The following MUSK variants were observed in gnomAD, a reference collection of about 807,000 sequenced individuals.
The protein encoded by MUSK is muscle, skeletal receptor tyrosine-protein kinase.
MUSK carries 55 observed loss-of-function variants against 88.7 expected under a neutral mutation model. The observed-to-expected ratio is 0.62, with a 90% confidence interval of 0.50 to 0.78. The LOEUF (loss-of-function observed/expected upper bound fraction) is 0.78. Among genes scored for constraint, MUSK ranks in the 30% least tolerant of loss-of-function variants. The pLI, the probability that MUSK is intolerant of heterozygous loss-of-function variation, is 0.00. For synonymous variants in MUSK, 387 were observed against 391.9 expected (o/e 0.99, Z 0.15); for missense variants, 1,015 against 1,074.3 (o/e 0.94, Z 0.77).
At chr9:110,685,592 A>C (rs1251901148) in intron 2 of MUSK, among the ~76,000 whole-genome samples, 1 of 152,160 alleles carries the variant, frequency 6.6e-6, no homozygotes, top group Non-Finnish European at 1.5e-5. Flanking sequence ...CCATTCAGCT[A>C]AGTTCTCTGT....
chr9:110,695,567 G>A (rs1434948013), intron 4 of MUSK, 37 bp downstream of exon 4: 8 of 1,471,570 alleles, frequency 5.4e-6, no homozygotes, highest in Non-Finnish European at 7.3e-6. Flanking sequence ...TATATAAAAT[G>A]TATTTTAAAA....
chr9:110,669,019 T>C, intron 1 of MUSK, 36 bp downstream of exon 1: 2 of 1,558,210 alleles, frequency 1.3e-6, no homozygotes, highest in South Asian at 1.1e-5. Context: ...TGTTGTCTTG[T>C]CATGGTTGTA....
rs181269350 is a variant in MUSK at position 110,798,045 on chromosome 9, G to C, written c.1928-2261G>C. Among the ~76,000 whole-genome samples the C allele has an allele frequency of 3.4e-3, 517 of 152,212 alleles. 4 individuals are homozygous for C. Among genetic ancestry groups the C allele is most frequent in the African/African-American group, 0.011 (469 of 41,550 alleles). The stretch of plus-strand genomic sequence containing the variant: ...AAACTTATGTTGCCGTTTGTTAAAT[G>C]CTATATCTAAATTCCATTTGGATAT... On this transcript the variant is annotated intron_variant, in intron 14 of 14. Coordinates refer to ENST00000374448, the MANE Select transcript of MUSK (RefSeq NM_005592.4).
intron 5 of MUSK, among the ~76,000 whole-genome samples, chr9:110,713,784 A>G (rs770965005): frequency 2.6e-5 from 4 of 152,180 alleles, no homozygotes; most frequent in Non-Finnish European, 5.9e-5. Context: ...CCGGTTGGCT[A>G]AAACAAAAAT....
chr9:110,701,998 C>G (rs2076534465), intron 5 of MUSK, among the ~76,000 whole-genome samples: 1 of 149,330 alleles, frequency 6.7e-6, no homozygotes, highest in Admixed American at 6.9e-5. Context: ...CAGCCTTGAC[C>G]TCCCAAAATG....
intron 6 of MUSK, among the ~76,000 whole-genome samples, chr9:110,735,728 C>T (rs1365622303): frequency 1.3e-5 from 2 of 152,046 alleles, no homozygotes; most frequent in African/African-American, 4.8e-5. Flanking sequence ...GTTCTGCAGG[C>T]TATTCAGGAA....
At chr9:110,717,838 T>C (rs989076536) in intron 5 of MUSK, among the ~76,000 whole-genome samples, 3 of 152,124 alleles carry the variant, frequency 2.0e-5, no homozygotes, top group Non-Finnish European at 4.4e-5. Context: ...AGTTCTTCTA[T>C]CTGGTCTTTT....
At chr9:110,694,717 AT>A (rs1466032669) in intron 3 of MUSK, among the ~76,000 whole-genome samples, 1 of 151,942 alleles carries the variant, frequency 6.6e-6, no homozygotes, top group Non-Finnish European at 1.5e-5. Flanking sequence ...GAACTTATCA[AT>A]TCTTTTGTAT....
chr9:110,723,566 A>G (rs2076844071), intron 5 of MUSK, among the ~76,000 whole-genome samples: 1 of 151,974 alleles, frequency 6.6e-6, no homozygotes, highest in Non-Finnish European at 1.5e-5. Context: ...CAGAAATGAA[A>G]AAATTTTAAA....
chr9:110,687,613 G>T (rs1184210157), intron 3 of MUSK, among the ~76,000 whole-genome samples: 1 of 152,102 alleles, frequency 6.6e-6, no homozygotes, highest in African/African-American at 2.4e-5. Context: ...GGAATTACAG[G>T]CGTGAGCCAC....
chr9:110,737,182 C>T (rs2131847512), intron 6 of MUSK, among the ~76,000 whole-genome samples: 1 of 152,016 alleles, frequency 6.6e-6, no homozygotes, highest in African/African-American at 2.4e-5. Flanking sequence ...AATAACCTAA[C>T]ATCAACATCT....
intron 6 of MUSK, among the ~76,000 whole-genome samples, chr9:110,745,103 A>G (rs552021418): frequency 6.6e-6 from 1 of 152,328 alleles, no homozygotes; most frequent in East Asian, 1.9e-4. Flanking sequence ...CTCTGGAAGC[A>G]GGGGGAAAAG....
chr9:110,697,243 G>A, intron 4 of MUSK, 82 bp from the exon 5 acceptor site: 4 of 1,415,696 alleles, frequency 2.8e-6, no homozygotes, highest in Non-Finnish European at 3.9e-6. Flanking sequence ...TAATAGTGAT[G>A]ACAATAAGTT....
Position 110,784,914 on chromosome 9 carries a change from C to T in MUSK, c.1484C>T (p.Thr495Ile), listed in dbSNP as rs1483916013. The stretch of plus-strand genomic sequence containing the variant: ...TCTGTCTCACCTACATACTCCATGA[C>T]TGTAATAATCTCCATCATGTCCAGC... ...SFSVSPTYSM[T>I]VIISIMSSFA... The change falls in exon 12 of 15, where the codon ACT becomes ATT. Residue 495 changes from threonine to isoleucine, a missense_variant. Physicochemically the swap from Thr to Ile is moderately conservative, Grantham distance 89. Transcript: ENST00000374448. The T allele has an allele frequency of 6.2e-7, 1 of 1,613,702 alleles. No individual in the cohort carries two copies. The highest frequency in any genetic ancestry group is 1.1e-5 in the South Asian group (1 of 91,082).
intron 5 of MUSK, among the ~76,000 whole-genome samples, chr9:110,720,858 C>A (rs2076802276): frequency 6.6e-6 from 1 of 152,100 alleles, no homozygotes; most frequent in Admixed American, 6.6e-5. Flanking sequence ...TACTAGTGAA[C>A]TGAATCCAAC....
chr9:110,746,633 A>G (rs2077177785), intron 6 of MUSK, among the ~76,000 whole-genome samples: 1 of 152,192 alleles, frequency 6.6e-6, no homozygotes, highest in African/African-American at 2.4e-5. Context: ...TTGCATTGAT[A>G]TCTTGGCTCT....
At chr9:110,784,611 G>T (rs2077820732) in intron 11 of MUSK, among the ~76,000 whole-genome samples, 1 of 151,794 alleles carries the variant, frequency 6.6e-6, no homozygotes, top group African/African-American at 2.4e-5. Flanking sequence ...TCCTCTCTCT[G>T]AGTCTCATCT....
chr9:110,722,188 A>T (rs1050662935), intron 5 of MUSK, among the ~76,000 whole-genome samples: 1 of 152,170 alleles, frequency 6.6e-6, no homozygotes, highest in African/African-American at 2.4e-5. Context: ...TTAGGCAAAG[A>T]CTTCATAACC....
chr9:110,692,797 T>G (rs1587913193), intron 3 of MUSK, among the ~76,000 whole-genome samples: 2 of 152,146 alleles, frequency 1.3e-5, no homozygotes, highest in Non-Finnish European at 2.9e-5. Context: ...ATATCACTAG[T>G]GCATCTTTTA....
Sources: gnomAD v4.1 joint callset for allele counts (sites outside exome capture counted in the v4.1 genomes callset) on GRCh38, gnomAD v4.1.1 for gene constraint, MANE v1.5 for transcripts, NCBI Gene and HGNC (gene_info 2026-07-23, HGNC 2026-07-21) for gene names.